Variants in SNAP25 observed in about 807,000 individuals in gnomAD.
The protein encoded by SNAP25 is synaptosome associated protein 25, also known as synaptosomal-associated protein 25.
In SNAP25, 3 loss-of-function variants were observed where a neutral mutation model predicts 28.7. That is an observed-to-expected ratio of 0.10 (90% CI 0.05 to 0.27). The LOEUF is 0.27. Among genes scored for constraint, SNAP25 ranks in the 10% least tolerant of loss-of-function variants. SNAP25 has a pLI of 1.00. For synonymous variants in SNAP25, 61 were observed against 88.1 expected (o/e 0.69, Z 1.72); for missense variants, 117 against 278.7 (o/e 0.42, Z 4.13).
chr20:10,251,193 G>T (rs2063220154), intron 1 of SNAP25, among the ~76,000 whole-genome samples: 2 of 152,190 alleles, frequency 1.3e-5, no homozygotes, highest in Admixed American at 1.3e-4. Context: ...AAAGGATGCT[G>T]GTGGAGTGAC....
chr20:10,302,482 A>G (rs924037248), intron 7 of SNAP25, among the ~76,000 whole-genome samples: 4 of 152,208 alleles, frequency 2.6e-5, no homozygotes, highest in Non-Finnish European at 5.9e-5. Context: ...GGAAGTATGA[A>G]CTGGGTTCTA....
intron 1 of SNAP25, among the ~76,000 whole-genome samples, chr20:10,263,050 G>T (rs1156888447): frequency 8.9e-6 from 1 of 112,696 alleles, no homozygotes; most frequent in Non-Finnish European, 1.7e-5. Flanking sequence ...ACGGAGTCTC[G>T]CTCTGTCGCC....
chr20:10,303,383 G>GC (rs2064285725), intron 7 of SNAP25, among the ~76,000 whole-genome samples: 2 of 152,162 alleles, frequency 1.3e-5, no homozygotes, highest in Admixed American at 1.3e-4. Context: ...CCAAACAGAT[G>GC]ACAGAGAACC....
At chr20:10,299,443 T>G in intron 7 of SNAP25, 31 bp downstream of exon 7, 1 of 1,602,802 alleles carries the variant, frequency 6.2e-7, no homozygotes, top group South Asian at 1.1e-5. Flanking sequence ...AAGTCCCTAC[T>G]GCGAGTCACT....
intron 1 of SNAP25, among the ~76,000 whole-genome samples, chr20:10,263,435 T>G (rs560646253): frequency 4.9e-4 from 74 of 152,226 alleles, no homozygotes; most frequent in African/African-American, 1.6e-3. Flanking sequence ...AAGGCAAAAC[T>G]GTTACTAAGC....
At chr20:10,283,622 T>C (rs935381453) in intron 3 of SNAP25, among the ~76,000 whole-genome samples, 2 of 152,252 alleles carry the variant, frequency 1.3e-5, no homozygotes, top group Admixed American at 6.5e-5. Flanking sequence ...ATTTAATTGT[T>C]AAAATACTAT....
chr20:10,302,736 G>A (rs1433745782), intron 7 of SNAP25, among the ~76,000 whole-genome samples: 2 of 151,384 alleles, frequency 1.3e-5, no homozygotes, highest in Non-Finnish European at 2.9e-5. Flanking sequence ...GTGATCATAG[G>A]GGCATTCTCC....
chr20:10,237,496 T>C (rs2062944753), intron 1 of SNAP25, among the ~76,000 whole-genome samples: 1 of 152,156 alleles, frequency 6.6e-6, no homozygotes, highest in African/African-American at 2.4e-5. Context: ...AACTGGCTGC[T>C]AGAATTTTGC....
intron 7 of SNAP25, among the ~76,000 whole-genome samples, chr20:10,301,122 G>A (rs937391211): frequency 3.3e-5 from 5 of 152,226 alleles, no homozygotes; most frequent in Non-Finnish European, 4.4e-5. Context: ...TATTGACAGA[G>A]TTGAACTTTA....
At chr20:10,229,763 T>C (rs1400462591) in intron 1 of SNAP25, among the ~76,000 whole-genome samples, 1 of 152,134 alleles carries the variant, frequency 6.6e-6, no homozygotes, top group Non-Finnish European at 1.5e-5. Context: ...TAAGAGACAA[T>C]ACTGTTTAAT....
Position 10,296,755 on chromosome 20 carries a change from G to A in SNAP25, c.282-170G>A, listed in dbSNP as rs549702691. 6.7e-5 allele frequency: 54 copies of A among 804,022 alleles called. No individual in the cohort carries two copies. In the South Asian group the frequency reaches 9.4e-4, roughly 14 times the overall value. 49.8% of individuals were successfully genotyped at this position (804,022 alleles called of 1,614,324 possible). A position where few individuals can be genotyped will look rare whatever the true frequency, so the allele number is the denominator to read the frequency against. On this transcript the variant is annotated intron_variant, in intron 5 of 7. Coordinates refer to ENST00000254976, the MANE Select transcript of SNAP25 (RefSeq NM_130811.4). ...GGAAGTGAAATGTTGAGTAGCTGAG[G>A]CATGGTGGTGGCCAACTGTTTGGGT... is the stretch of plus-strand genomic sequence containing the variant.
rs1339640656 is a variant in SNAP25 at position 10,293,296 on chromosome 20, G to GCCTT, written c.281+21_281+22insTCCT. Reference sequence around the variant, plus strand: ...TGTAACAAGTAGGTGCTGCCTGCCTGCCTGAAGCTTTGATTTCCCAAGGCC... The same window carrying GCCTT: ...TGTAACAAGTAGGTGCTGCCTGCCTGCCTTCCTGAAGCTTTGATTTCCCAAGGCC... On this transcript the variant is annotated intron_variant, in intron 5 of 7. Transcript: ENST00000254976. The surrounding 1 kb of genome is among the most constrained non-coding windows in gnomAD (Gnocchi z 5.6). 2 of 1,592,588 alleles carry GCCTT rather than the reference G, an allele frequency of 1.3e-6. No individual in the cohort carries two copies. Among genetic ancestry groups the GCCTT allele is most frequent in the Non-Finnish European group, 1.7e-6 (2 of 1,160,670 alleles).
intron 3 of SNAP25, among the ~76,000 whole-genome samples, chr20:10,279,254 A>C (rs1164505150): frequency 1.3e-5 from 2 of 152,210 alleles, no homozygotes; most frequent in East Asian, 3.8e-4. Flanking sequence ...CCATCTTAGT[A>C]ATATGCCTAC....
At chr20:10,249,507 G>A (rs1162908059) in intron 1 of SNAP25, among the ~76,000 whole-genome samples, 1 of 152,068 alleles carries the variant, frequency 6.6e-6, no homozygotes, top group Non-Finnish European at 1.5e-5. Context: ...TTATTTTGGC[G>A]GGTTCCTTAC....
At chr20:10,298,904 G>A (rs769451018) in intron 6 of SNAP25, among the ~76,000 whole-genome samples, 8 of 152,074 alleles carry the variant, frequency 5.3e-5, no homozygotes, top group Non-Finnish European at 1.0e-4. Flanking sequence ...GAAGAATATC[G>A]TTTCTAATTC....
At chr20:10,224,675 C>A (rs1459748254) in intron 1 of SNAP25, among the ~76,000 whole-genome samples, 2 of 151,958 alleles carry the variant, frequency 1.3e-5, no homozygotes, top group African/African-American at 4.8e-5. Context: ...TTTTTCCCCC[C>A]TCAGAATTGC....
At position 10,293,046 on chromosome 20, in the gene SNAP25, C is replaced by CTTTT; in HGVS notation, c.164-105_164-102dup. 4 of 1,120,058 alleles carry CTTTT rather than the reference C, an allele frequency of 3.6e-6. No individual in the cohort carries two copies. The highest frequency in any genetic ancestry group is 1.7e-5 in the South Asian group (1 of 59,226). 69.4% of individuals were successfully genotyped at this position (1,120,058 alleles called of 1,614,324 possible). On this transcript the variant is annotated intron_variant, in intron 4 of 7. Transcript: ENST00000254976. This position sits in a 1 kb window ranked among gnomAD's most constrained non-coding sequence, Gnocchi z 5.6. ...TAATCTGTGGCGTCCAGTTTTCTTTCTTTTTTTTTTTTTCTTTTTTAATGT... is the reference window on the plus strand; with the variant it reads ...TAATCTGTGGCGTCCAGTTTTCTTTCTTTTTTTTTTTTTTTTTCTTTTTTAATGT...
intron 1 of SNAP25, among the ~76,000 whole-genome samples, chr20:10,229,268 G>A (rs1447571349): frequency 1.3e-5 from 2 of 152,026 alleles, no homozygotes; most frequent in African/African-American, 4.8e-5. Flanking sequence ...TTTTTGTTGG[G>A]GGCGGGGATA....
chr20:10,268,338 A>T (rs988307078), intron 1 of SNAP25, among the ~76,000 whole-genome samples: 1 of 152,214 alleles, frequency 6.6e-6, no homozygotes, highest in Non-Finnish European at 1.5e-5. Context: ...GTGTGGCGAG[A>T]CATCAAGATG....
Sources: gnomAD v4.1 joint callset for allele counts (sites outside exome capture counted in the v4.1 genomes callset) on GRCh38, gnomAD v4.1.1 for gene constraint, Gnocchi (gnomAD v3.1) non-coding constraint, MANE v1.5 for transcripts, NCBI Gene and HGNC (gene_info 2026-07-23, HGNC 2026-07-21) for gene names.